Variants in MIGA1 observed in about 807,000 individuals in gnomAD.
MIGA1 encodes family with sequence similarity 73, member A.
In MIGA1, 58 loss-of-function variants were observed where a neutral mutation model predicts 82.0. The ratio of observed to expected loss-of-function variants is 0.71; its 90% CI spans 0.57 to 0.88. The LOEUF is 0.88. Among genes scored for constraint, MIGA1 ranks in the 40% least tolerant of loss-of-function variants. MIGA1 has a pLI of 0.00. For missense variants in MIGA1, 751 were observed against 749.1 expected (o/e 1.00, Z -0.03); for synonymous variants, 249 against 253.6 (o/e 0.98, Z 0.17).
chr1:77,846,684 A>T (rs376708512), intron 8 of MIGA1, among the ~76,000 whole-genome samples: 2 of 151,738 alleles, frequency 1.3e-5, no homozygotes, highest in African/African-American at 4.8e-5. Flanking sequence ...CTGCTGGCTC[A>T]CACCTGTAAT....
At chr1:77,847,397 A>C (rs1684884238) in intron 8 of MIGA1, 9 of 1,257,312 alleles carry the variant, frequency 7.2e-6, no homozygotes, top group Admixed American at 5.1e-5. Flanking sequence ...TTTTGGGGAA[A>C]GACTGAAAGC....
rs776838318 is a variant in MIGA1, at chr1:77,866,325, T to G, written c.1510-13T>G. 6.2e-7 allele frequency: 1 copy of G among 1,613,208 alleles called. No individual in the cohort carries two copies. The highest frequency in any genetic ancestry group is 8.5e-7 in the Non-Finnish European group (1 of 1,179,154). On this transcript the variant is annotated splice_polypyrimidine_tract_variant and intron_variant, in intron 13 of 15. Transcript: ENST00000370791. ...GCTATATATAAATCTTTCTTTTCTC[T>G]GCATGTATTTAGGCTGTGGCTTCAA...
intron 2 of MIGA1, among the ~76,000 whole-genome samples, chr1:77,784,096 A>G (rs1327290940): frequency 6.6e-6 from 1 of 152,124 alleles, no homozygotes; most frequent in African/African-American, 2.4e-5. Context: ...TGTTTTTGCT[A>G]TTGTGAATAA....
At chr1:77,837,763 A>G (rs538319037) in intron 7 of MIGA1, among the ~76,000 whole-genome samples, 5 of 152,334 alleles carry the variant, frequency 3.3e-5, no homozygotes, top group African/African-American at 9.6e-5. Context: ...TAAACCAATC[A>G]CTAAATAGCA....
intron 5 of MIGA1, among the ~76,000 whole-genome samples, chr1:77,810,088 C>CT (rs1245523980): frequency 6.7e-6 from 1 of 149,212 alleles, no homozygotes; most frequent in Non-Finnish European, 1.5e-5. Flanking sequence ...CCATCTAAAA[C>CT]TTTGTAATTA....
At position 77,798,592 on chromosome 1, in the gene MIGA1, C is replaced by T. The variant is rs190668431; in HGVS notation, c.196-2739C>T. ...TTCAATTATCTCCCACGGGGGCCAA[C>T]TCACAACACGTGGGAATTATGGGCG... On this transcript the variant is annotated intron_variant, in intron 2 of 15. Transcript: ENST00000370791. Among the ~76,000 whole-genome samples the T allele has an allele frequency of 4.5e-3, 681 of 152,304 alleles. 3 individuals carry two copies. Among genetic ancestry groups the T allele is most frequent in the Non-Finnish European group, 8.0e-3 (541 of 68,024 alleles).
chr1:77,869,945 C>T (rs1325892838), intron 14 of MIGA1, among the ~76,000 whole-genome samples: 3 of 131,828 alleles, frequency 2.3e-5, no homozygotes, highest in Non-Finnish European at 4.9e-5. Context: ...CCGGACGGGG[C>T]GGCTGGCCGG....
At chr1:77,852,721 C>T (rs768581021) in intron 8 of MIGA1, among the ~76,000 whole-genome samples, 7 of 152,166 alleles carry the variant, frequency 4.6e-5, no homozygotes, top group Non-Finnish European at 7.4e-5. Context: ...GAGAGAATCT[C>T]ACTCTGTCTC....
chr1:77,780,908 CTTT>C (rs1351911649), intron 1 of MIGA1, among the ~76,000 whole-genome samples: 4 of 133,226 alleles, frequency 3.0e-5, no homozygotes, highest in Non-Finnish European at 3.3e-5. Flanking sequence ...TTTCTTTTTT[CTTT>C]TTTTTTTTTT....
At chr1:77,792,786 C>CTTTTTTT (rs888755051) in intron 2 of MIGA1, among the ~76,000 whole-genome samples, 1 of 121,608 alleles carries the variant, frequency 8.2e-6, no homozygotes, top group Non-Finnish European at 1.7e-5. Context: ...GGATTGTTTG[C>CTTTTTTT]TTTTTTTTTT....
chr1:77,839,619 C>T (rs1340870267), intron 7 of MIGA1, among the ~76,000 whole-genome samples: 6 of 152,100 alleles, frequency 3.9e-5, no homozygotes, highest in East Asian at 3.9e-4. Context: ...GTGATCCTCC[C>T]GCCTCAGCCT....
rs754590942 is a variant in MIGA1, at chr1:77,843,382, C to G, written c.971C>G (p.Thr324Arg). The G allele has an allele frequency of 6.2e-7, 1 of 1,613,914 alleles. No homozygotes were observed. Among genetic ancestry groups the G allele is most frequent in the Admixed American group, 1.7e-5 (1 of 60,026 alleles). Reference sequence around the variant, plus strand: ...CGAGACACCTTGAGCATCGCATCCACGGATTCCTTTGCTTCCGCAGCAGAG... The same window carrying G: ...CGAGACACCTTGAGCATCGCATCCAGGGATTCCTTTGCTTCCGCAGCAGAG... Residue 324 changes from threonine (T) to arginine (R), a missense_variant, in exon 8 of 16, where the codon ACG becomes AGG. This residue lies in a region of MIGA1 where 482 missense variants were observed against 439.4 expected (regional missense o/e 1.10). Coordinates refer to ENST00000370791, the MANE Select transcript of MIGA1 (RefSeq NM_198549.4).
chr1:77,827,732 A>G (rs2101845502), intron 7 of MIGA1, among the ~76,000 whole-genome samples: 1 of 152,222 alleles, frequency 6.6e-6, no homozygotes, highest in East Asian at 1.9e-4. Flanking sequence ...ATTTTATCTT[A>G]TTTTCCTCTA....
chr1:77,867,366 T>C (rs1685710274), intron 14 of MIGA1, among the ~76,000 whole-genome samples: 1 of 152,128 alleles, frequency 6.6e-6, no homozygotes, highest in Admixed American at 6.5e-5. Context: ...GCTCTGTCAT[T>C]CAGGCTGGAG....
intron 8 of MIGA1, among the ~76,000 whole-genome samples, chr1:77,848,994 TATATAGAG>T (rs1684944909): frequency 6.6e-6 from 1 of 152,208 alleles, no homozygotes; most frequent in South Asian, 2.1e-4. Flanking sequence ...TGGCTGAATT[TATATAGAG>T]TATGTACTTA....
intron 2 of MIGA1, among the ~76,000 whole-genome samples, chr1:77,792,412 A>G (rs897577195): frequency 6.6e-6 from 1 of 152,178 alleles, no homozygotes; most frequent in Non-Finnish European, 1.5e-5. Flanking sequence ...CTTAACAAGC[A>G]TGCAGTTAGG....
intron 7 of MIGA1, among the ~76,000 whole-genome samples, chr1:77,835,603 G>A (rs916215499): frequency 5.3e-5 from 8 of 152,076 alleles, no homozygotes; most frequent in Admixed American, 3.3e-4. Context: ...CATATTTCAG[G>A]TTTACAAGAT....
intron 14 of MIGA1, among the ~76,000 whole-genome samples, chr1:77,869,305 A>G (rs1685803448): frequency 6.9e-6 from 1 of 143,898 alleles, no homozygotes; most frequent in South Asian, 2.4e-4. Context: ...AATTTTTCTT[A>G]GTACAGAACA....
chr1:77,874,981 G>A lies in MIGA1; in HGVS notation c.1816G>A (p.Asp606Asn), dbSNP rs768200448. Reference sequence around the variant, plus strand: ...GCTTTTAATGGCCTATCTTGAAGCAGATGCCCTGAGGCATACAAGTAGTTG... The same window carrying A: ...GCTTTTAATGGCCTATCTTGAAGCAAATGCCCTGAGGCATACAAGTAGTTG... Residue 606 changes from aspartate (D) to asparagine (N), a missense_variant, in exon 16 of 16, where the codon GAT becomes AAT. Asp to Asn is a conservative substitution (Grantham distance 23). Transcript: ENST00000370791. The A allele has an allele frequency of 8.7e-6, 14 of 1,614,042 alleles. No homozygotes were observed.
Sources: allele counts gnomAD v4.1 joint callset (sites outside exome capture counted in the v4.1 genomes callset), GRCh38; gene constraint gnomAD v4.1.1; regional missense constraint gnomAD v4.1.1; transcripts MANE v1.5; gene names NCBI Gene and HGNC (gene_info 2026-07-23, HGNC 2026-07-21).